PDZRN4: variants seen among roughly 807,000 people sequenced by gnomAD.
The protein encoded by PDZRN4 is PDZ domain-containing RING finger protein 4.
Under a neutral mutation model 99.0 loss-of-function variants are expected in PDZRN4, and 70 were observed. The observed-to-expected ratio is 0.71, with a 90% CI of 0.58 to 0.86. The LOEUF (loss-of-function observed/expected upper bound fraction) is 0.86. Among genes scored for constraint, PDZRN4 ranks in the 40% least tolerant of loss-of-function variants. The pLI is 0.00. For synonymous variants in PDZRN4, 551 were observed against 501.6 expected (o/e 1.10, Z -1.32); for missense variants, 1,474 against 1,331.2 (o/e 1.11, Z -1.67).
intron 3 of PDZRN4, among the ~76,000 whole-genome samples, chr12:41,322,291 G>T (rs900323885): frequency 6.6e-6 from 1 of 151,740 alleles, no homozygotes; most frequent in South Asian, 2.1e-4. Context: ...CCTCCCAAAT[G>T]CTTGGATTAT....
In PDZRN4 at chr12:41,476,061, T is replaced by C. The variant is rs542008064; in HGVS notation, c.844-30395T>C. Among the ~76,000 whole-genome samples, 34 of 152,306 alleles carry C rather than the reference T, an allele frequency of 2.2e-4. No homozygotes were observed. In the South Asian group the frequency reaches 7.0e-3, roughly 32 times the overall value. On this transcript the variant is annotated intron_variant, in intron 3 of 9. Coordinates refer to ENST00000402685, the MANE Select transcript of PDZRN4 (RefSeq NM_001164595.2). The stretch of plus-strand genomic sequence containing the variant: ...CACACACATACACACACAGGGAGCA[T>C]ATCCCAATGCCATTTGTTGACTGAC...
intron 3 of PDZRN4, among the ~76,000 whole-genome samples, chr12:41,384,508 C>A (rs1316075659): frequency 6.6e-6 from 1 of 152,114 alleles, no homozygotes; most frequent in Non-Finnish European, 1.5e-5. Context: ...TAAGTTGTTA[C>A]AATCAGTTAC....
At chr12:41,239,954 A>C (rs1951092040) in intron 3 of PDZRN4, among the ~76,000 whole-genome samples, 1 of 152,208 alleles carries the variant, frequency 6.6e-6, no homozygotes. Flanking sequence ...TATGAGAATC[A>C]GTTTTCCCTT....
At chr12:41,530,196 C>A (rs1285461994) in intron 5 of PDZRN4, among the ~76,000 whole-genome samples, 1 of 152,194 alleles carries the variant, frequency 6.6e-6, no homozygotes, top group Admixed American at 6.5e-5. Flanking sequence ...CCAACGCTCA[C>A]GTTTAGAAAA....
At chr12:41,468,883 C>G (rs2120559916) in intron 3 of PDZRN4, among the ~76,000 whole-genome samples, 1 of 152,222 alleles carries the variant, frequency 6.6e-6, no homozygotes. Context: ...ATGGCTCACG[C>G]CTGTAGTCCC....
chr12:41,405,098 A>C (rs1952335508), intron 3 of PDZRN4, among the ~76,000 whole-genome samples: 1 of 152,142 alleles, frequency 6.6e-6, no homozygotes, highest in Non-Finnish European at 1.5e-5. Flanking sequence ...TTGCAAAAAA[A>C]ATAAGAATTG....
intron 5 of PDZRN4, among the ~76,000 whole-genome samples, chr12:41,552,364 G>A (rs938935807): frequency 1.3e-5 from 2 of 151,942 alleles, no homozygotes; most frequent in African/African-American, 4.8e-5. Context: ...ACATGTATTT[G>A]ATTTATACAT....
At chr12:41,221,873 C>T (rs950092483) in intron 3 of PDZRN4, among the ~76,000 whole-genome samples, 1 of 152,146 alleles carries the variant, frequency 6.6e-6, no homozygotes, top group East Asian at 1.9e-4. Flanking sequence ...AAGATCCAGT[C>T]CCCTACAGGG....
At chr12:41,519,129 T>C (rs1938450913) in intron 5 of PDZRN4, among the ~76,000 whole-genome samples, 1 of 152,176 alleles carries the variant, frequency 6.6e-6, no homozygotes, top group Non-Finnish European at 1.5e-5. Flanking sequence ...CAGATAAGTT[T>C]TAAGAGATTT....
intron 5 of PDZRN4, among the ~76,000 whole-genome samples, chr12:41,546,450 T>C (rs1333687659): frequency 4.6e-5 from 7 of 152,176 alleles, no homozygotes; most frequent in East Asian, 1.9e-4. Context: ...ATATTCATGA[T>C]GTGTGAAAAA....
In PDZRN4 at chr12:41,360,906, A is replaced by G. The variant is rs369126339; in HGVS notation, c.844-145550A>G. Among the ~76,000 whole-genome samples, 14 of 152,036 alleles carry G rather than the reference A, an allele frequency of 9.2e-5. No homozygotes were observed. In the South Asian group the frequency reaches 1.5e-3, roughly 16 times the overall value. On this transcript the variant is annotated intron_variant, in intron 3 of 9. Coordinates refer to ENST00000402685, the MANE Select transcript of PDZRN4 (RefSeq NM_001164595.2). ...CCAAATTAGAGCAAAAAATATCCCA[A>G]AAAACCTATTTATCATTCCAAAGAA...
intron 3 of PDZRN4, among the ~76,000 whole-genome samples, chr12:41,422,344 G>T (rs1952496795): frequency 6.6e-6 from 1 of 152,122 alleles, no homozygotes; most frequent in Admixed American, 6.5e-5. Flanking sequence ...TGTGTCACAG[G>T]TACTGATCAG....
At chr12:41,211,827 A>C (rs17129118) in intron 3 of PDZRN4, among the ~76,000 whole-genome samples, 4,567 of 152,082 alleles carry the variant, frequency 0.03, 241 homozygotes, top group African/African-American at 0.1. Context: ...GTTTTTAACG[A>C]GACCAGAAAC....
intron 3 of PDZRN4, among the ~76,000 whole-genome samples, chr12:41,410,376 C>T (rs996267230): frequency 3.9e-5 from 6 of 152,106 alleles, no homozygotes; most frequent in African/African-American, 7.2e-5. Context: ...ATAATTACAA[C>T]GGTAAAGATG....
At chr12:41,402,960 G>A (rs929509245) in intron 3 of PDZRN4, among the ~76,000 whole-genome samples, 2 of 151,918 alleles carry the variant, frequency 1.3e-5, no homozygotes, top group African/African-American at 4.8e-5. Flanking sequence ...TATATTTCAT[G>A]ATAACTTAGA....
chr12:41,214,382 C>T (rs1184076896), intron 3 of PDZRN4, among the ~76,000 whole-genome samples: 2 of 131,874 alleles, frequency 1.5e-5, no homozygotes, highest in African/African-American at 5.6e-5. Flanking sequence ...TGAGACATGA[C>T]CACCCCACTG....
intron 3 of PDZRN4, among the ~76,000 whole-genome samples, chr12:41,478,684 A>G (rs1205107531): frequency 6.6e-6 from 1 of 152,162 alleles, no homozygotes; most frequent in African/African-American, 2.4e-5. Flanking sequence ...TGTGATGACA[A>G]CATGACCTAA....
At chr12:41,300,528 T>C (rs1385117875) in intron 3 of PDZRN4, among the ~76,000 whole-genome samples, 1 of 151,968 alleles carries the variant, frequency 6.6e-6, no homozygotes, top group Non-Finnish European at 1.5e-5. Flanking sequence ...CAAACACATA[T>C]TAGAAATATT....
intron 5 of PDZRN4, among the ~76,000 whole-genome samples, chr12:41,547,497 G>T (rs533680087): frequency 2.6e-5 from 4 of 152,010 alleles, no homozygotes; most frequent in Non-Finnish European, 4.4e-5. Flanking sequence ...GTGGTGGCAG[G>T]CACCTGTAAT....
Sources: gnomAD v4.1 joint callset for allele counts (sites outside exome capture counted in the v4.1 genomes callset) on GRCh38, gnomAD v4.1.1 for gene constraint, MANE v1.5 for transcripts, NCBI Gene and HGNC (gene_info 2026-07-23, HGNC 2026-07-21) for gene names.